The following CCDC85A variants were observed in gnomAD, a reference collection of about 807,000 sequenced individuals.
The protein encoded by CCDC85A is coiled-coil domain containing 85A.
A neutral mutation model predicts 50.2 loss-of-function variants in CCDC85A; 38 were observed. The observed-to-expected ratio is 0.76, with a 90% CI of 0.58 to 0.99. CCDC85A has a LOEUF of 0.99. CCDC85A is among the 50% of genes least tolerant of loss of function. The pLI, the probability that CCDC85A is intolerant of heterozygous loss-of-function variation, is 0.00. For synonymous variants in CCDC85A, 366 were observed against 301.4 expected (o/e 1.21, Z -2.22); for missense variants, 820 against 742.0 (o/e 1.11, Z -1.22).
rs67738219 is a variant in CCDC85A at position 56,357,655 on chromosome 2, C to CT, written c.1318-14673dup. On this transcript the variant is annotated intron_variant, in intron 3 of 5. Transcript: ENST00000407595. Reference sequence around the variant, plus strand: ...TCATGGAAGGGATAGTGTCCATTTCCTTTTTTTTTTTTTTTTGCTATGTTC... The same window carrying CT: ...TCATGGAAGGGATAGTGTCCATTTCCTTTTTTTTTTTTTTTTTGCTATGTTC... 3.9e-3 allele frequency among the ~76,000 whole-genome samples: 443 copies of CT among 114,602 alleles called. 6 individuals are homozygous for CT. The highest frequency in any genetic ancestry group is 0.013 in the African/African-American group (399 of 29,626). 75.2% of individuals were successfully genotyped at this position (114,602 alleles called of 152,430 possible). A position where few individuals can be genotyped will look rare whatever the true frequency, so the allele number is the denominator to read the frequency against.
chr2:56,255,897 C>T (rs1215331080), intron 2 of CCDC85A, among the ~76,000 whole-genome samples: 1 of 152,062 alleles, frequency 6.6e-6, no homozygotes, highest in Non-Finnish European at 1.5e-5. Flanking sequence ...ACAGGGTTAA[C>T]ATTGGTAACA....
chr2:56,272,190 A>T (rs951916944), intron 2 of CCDC85A, among the ~76,000 whole-genome samples: 1 of 152,194 alleles, frequency 6.6e-6, no homozygotes, highest in Non-Finnish European at 1.5e-5. Context: ...AGGTTAAAGA[A>T]TATGGGATAG....
chr2:56,319,169 T>C (rs1037402176), intron 2 of CCDC85A, among the ~76,000 whole-genome samples: 4 of 152,120 alleles, frequency 2.6e-5, no homozygotes, highest in Non-Finnish European at 5.9e-5. Context: ...TACCAGGCAG[T>C]GTCTTTGGTG....
chr2:56,239,605 T>C (rs1438879519), intron 2 of CCDC85A, among the ~76,000 whole-genome samples: 1 of 152,172 alleles, frequency 6.6e-6, no homozygotes, highest in African/African-American at 2.4e-5. Context: ...TTTATGATGA[T>C]GATTCATTGA....
At position 56,229,903 on chromosome 2, in the gene CCDC85A, G is replaced by A. The variant is rs143857233; in HGVS notation, c.1240+36463G>A. On this transcript the variant is annotated intron_variant, in intron 2 of 5. Transcript: ENST00000407595. ...ATGACTTTCACCTTGAGCTAATTTTGCTTTAGCATAAGCAGGATATAGATG... is the reference window on the plus strand; with the variant it reads ...ATGACTTTCACCTTGAGCTAATTTTACTTTAGCATAAGCAGGATATAGATG... Among the ~76,000 whole-genome samples, 1,098 of 152,286 alleles carry A rather than the reference G, an allele frequency of 7.2e-3. 9 individuals carry two copies. Among genetic ancestry groups the A allele is most frequent in the Non-Finnish European group, 9.5e-3 (645 of 68,008 alleles).
intron 2 of CCDC85A, among the ~76,000 whole-genome samples, chr2:56,207,752 C>T (rs759365384): frequency 4.6e-5 from 7 of 152,060 alleles, no homozygotes; most frequent in Non-Finnish European, 8.8e-5. Context: ...GTAAAGGAAA[C>T]AAAATATAAA....
intron 2 of CCDC85A, among the ~76,000 whole-genome samples, chr2:56,294,433 A>G (rs547529894): frequency 2.0e-5 from 3 of 152,324 alleles, no homozygotes; most frequent in South Asian, 2.1e-4. Flanking sequence ...CATGTATACC[A>G]TAACTTAAAT....
At chr2:56,185,789 C>T (rs993025022) in intron 1 of CCDC85A, 1 of 152,322 alleles carries the variant, frequency 6.6e-6, no homozygotes, top group African/African-American at 2.4e-5. Flanking sequence ...GGCCGGGAAC[C>T]GCCCTGCTGG....
chr2:56,319,129 G>C (rs1673050004), intron 2 of CCDC85A, among the ~76,000 whole-genome samples: 1 of 152,072 alleles, frequency 6.6e-6, no homozygotes, highest in African/African-American at 2.4e-5. Context: ...AATGGAAGCA[G>C]GTAATAATAA....
At chr2:56,204,092 A>G (rs1676857191) in intron 2 of CCDC85A, among the ~76,000 whole-genome samples, 1 of 152,144 alleles carries the variant, frequency 6.6e-6, no homozygotes, top group Non-Finnish European at 1.5e-5. Flanking sequence ...CAGAATTTAG[A>G]TTTCACAGGT....
intron 2 of CCDC85A, among the ~76,000 whole-genome samples, chr2:56,303,544 A>G (rs1279989907): frequency 6.6e-6 from 1 of 152,104 alleles, no homozygotes; most frequent in Non-Finnish European, 1.5e-5. Context: ...CATTTCCTAA[A>G]GGGCACCAAG....
At chr2:56,261,567 G>A (rs1380715004) in intron 2 of CCDC85A, among the ~76,000 whole-genome samples, 2 of 152,194 alleles carry the variant, frequency 1.3e-5, no homozygotes, top group East Asian at 1.9e-4. Flanking sequence ...CATTTACTGA[G>A]TGAACATCCA....
intron 2 of CCDC85A, among the ~76,000 whole-genome samples, chr2:56,333,471 G>A (rs1673914751): frequency 1.3e-5 from 2 of 152,160 alleles, no homozygotes; most frequent in Admixed American, 1.3e-4. Context: ...ATCACACAGG[G>A]CCCTGATGGA....
At chr2:56,304,194 A>G (rs1672329414) in intron 2 of CCDC85A, among the ~76,000 whole-genome samples, 1 of 152,202 alleles carries the variant, frequency 6.6e-6, no homozygotes, top group Admixed American at 6.5e-5. Context: ...GACTAATGCC[A>G]CTTACCATAA....
At chr2:56,366,075 C>T (rs1255609630) in intron 3 of CCDC85A, among the ~76,000 whole-genome samples, 1 of 152,166 alleles carries the variant, frequency 6.6e-6, no homozygotes, top group Non-Finnish European at 1.5e-5. Flanking sequence ...CACGTTGTGA[C>T]AAGTGACAGG....
At chr2:56,284,232 A>C (rs1671328624) in intron 2 of CCDC85A, among the ~76,000 whole-genome samples, 1 of 152,126 alleles carries the variant, frequency 6.6e-6, no homozygotes, top group African/African-American at 2.4e-5. Flanking sequence ...ATAATATTTC[A>C]ACATTTTTGA....
At chr2:56,365,254 G>T (rs1367131367) in intron 3 of CCDC85A, among the ~76,000 whole-genome samples, 1 of 152,152 alleles carries the variant, frequency 6.6e-6, no homozygotes, top group African/African-American at 2.4e-5. Context: ...ATAAATGAGG[G>T]GTGTGTGAAT....
intron 2 of CCDC85A, among the ~76,000 whole-genome samples, chr2:56,319,083 C>G (rs577967562): frequency 1.3e-5 from 2 of 151,894 alleles, no homozygotes; most frequent in Non-Finnish European, 2.9e-5. Context: ...GGAGGTGAGG[C>G]GTGGGTGGTG....
At chr2:56,312,019 G>C (rs537044184) in intron 2 of CCDC85A, among the ~76,000 whole-genome samples, 1 of 152,090 alleles carries the variant, frequency 6.6e-6, no homozygotes, top group African/African-American at 2.4e-5. Context: ...AGATAAGGAC[G>C]GTCGGGGCAC....
Sources: allele counts gnomAD v4.1 joint callset (sites outside exome capture counted in the v4.1 genomes callset), GRCh38; gene constraint gnomAD v4.1.1; transcripts MANE v1.5; gene names NCBI Gene and HGNC (gene_info 2026-07-23, HGNC 2026-07-21).